Variants in PNPLA8 observed in about 807,000 individuals in gnomAD.
PNPLA8 encodes the protein calcium-independent phospholipase A2-gamma.
PNPLA8 carries 39 observed loss-of-function variants against 76.9 expected under a neutral mutation model. The ratio of observed to expected loss-of-function variants is 0.51; its 90% CI spans 0.39 to 0.66. PNPLA8 has a LOEUF of 0.66. Among genes scored for constraint, PNPLA8 ranks in the 30% least tolerant of loss-of-function variants. The probability of loss-of-function intolerance (pLI) is 0.00; values close to 1 mark genes in which losing one functional copy is unlikely to be tolerated. For missense variants in PNPLA8, 887 were observed against 918.0 expected, an observed-to-expected ratio of 0.97 and a Z score of 0.44; for synonymous variants, 301 against 307.9, an observed-to-expected ratio of 0.98 and a Z score of 0.24.
At chr7:108,528,100 C>A (rs1176582757), upstream of PNPLA8, 1 of 152,206 alleles carries the variant, frequency 6.6e-6, no homozygotes, top group African/African-American at 2.4e-5. Flanking sequence ...CGCAGAATTT[C>A]TTGAATCGTT....
At chr7:108,498,901 A>G in intron 5 of PNPLA8, among the ~76,000 whole-genome samples, 1 of 150,700 alleles carries the variant, frequency 6.6e-6, no homozygotes, top group East Asian at 1.9e-4. Flanking sequence ...ACACAAAGGT[A>G]GTTAGGCATC....
chr7:108,472,764 T>A, intron 10 of PNPLA8, 89 bp from the exon 11 acceptor site: 2 of 910,390 alleles, frequency 2.2e-6, no homozygotes, highest in Non-Finnish European at 3.2e-6. Flanking sequence ...TATTTAAAAT[T>A]AACTTCTTTT....
chr7:108,492,601 G>A (rs1861262023), intron 7 of PNPLA8, among the ~76,000 whole-genome samples: 1 of 151,548 alleles, frequency 6.6e-6, no homozygotes, highest in Non-Finnish European at 1.5e-5. Flanking sequence ...GTTTATTTCC[G>A]AGATGTCAAA....
chr7:108,481,758 C>A (rs1860413283), intron 9 of PNPLA8, among the ~76,000 whole-genome samples: 2 of 152,160 alleles, frequency 1.3e-5, no homozygotes, highest in Non-Finnish European at 2.9e-5. Context: ...CTTCCCCCAA[C>A]CCAGGTCACC....
intron 4 of PNPLA8, chr7:108,510,489 C>T: frequency 2.9e-6 from 4 of 1,402,536 alleles, no homozygotes; most frequent in Non-Finnish European, 3.0e-6. Flanking sequence ...CCTGCAGAAC[C>T]CAAACTGGCA....
chr7:108,503,351 T>A (rs1862103064), intron 4 of PNPLA8, among the ~76,000 whole-genome samples: 1 of 152,236 alleles, frequency 6.6e-6, no homozygotes, highest in Non-Finnish European at 1.5e-5. Flanking sequence ...GTGGCAGCTA[T>A]AATTCTGCTG....
rs555696732 is a variant in PNPLA8 at position 108,472,935 on chromosome 7, G to A, written c.2075-260C>T. 4.6e-5 allele frequency among the ~76,000 whole-genome samples: 7 copies of A among 152,210 alleles called. No individual in the cohort carries two copies. In the South Asian group the frequency reaches 1.2e-3, roughly 27 times the overall value. On this transcript the variant is annotated intron_variant, in intron 10 of 10. Coordinates refer to ENST00000257694, the MANE Select transcript of PNPLA8 (RefSeq NM_001256007.3). ...TTCTCTCTGTGCTTTTGGTCATACT[G>A]TTCACCACTGCTGAAATGCCCTTTC...
intron 4 of PNPLA8, chr7:108,510,582 A>G (rs1862842902): frequency 6.6e-7 from 1 of 1,509,876 alleles, no homozygotes; most frequent in South Asian, 1.1e-5. Flanking sequence ...CGTCAAATCT[A>G]CAATGGAACC....
upstream of PNPLA8, among the ~76,000 whole-genome samples, chr7:108,527,486 G>C (rs866224067): frequency 1.3e-5 from 2 of 152,140 alleles, no homozygotes; most frequent in Non-Finnish European, 2.9e-5. Context: ...CCTCCTTGTT[G>C]CTAAAGAAAA....
rs758808104 is a variant in PNPLA8 at position 108,521,467 on chromosome 7, T to A, written c.-84+9A>T. On this transcript the variant is annotated intron_variant, in intron 2 of 10. Coordinates refer to ENST00000257694, the MANE Select transcript of PNPLA8 (RefSeq NM_001256007.3). ...GAGACATTACAAAATAAAGGAATGA[T>A]CCACTTACTTATTAAACTTCAGGTA... 5.2e-5 allele frequency: 39 copies of A among 751,038 alleles called. No homozygotes were observed. Among genetic ancestry groups the A allele is most frequent in the Non-Finnish European group, 6.3e-5 (39 of 616,018 alleles). The allele number at this position is 751,038 out of a possible 1,614,324, so 46.5% of individuals were successfully genotyped here. A position where few individuals can be genotyped will look rare whatever the true frequency, so the allele number is the denominator to read the frequency against.
intron 4 of PNPLA8, among the ~76,000 whole-genome samples, chr7:108,509,586 A>C (rs1319372144): frequency 6.8e-6 from 1 of 146,952 alleles, no homozygotes; most frequent in Non-Finnish European, 1.5e-5. Flanking sequence ...GTGGGACTGT[A>C]AACTAGTTCA....
intron 7 of PNPLA8, among the ~76,000 whole-genome samples, chr7:108,491,928 A>G (rs1051028174): frequency 6.6e-6 from 1 of 152,234 alleles, no homozygotes; most frequent in Admixed American, 6.5e-5. Context: ...GGTGAGGACA[A>G]TGAGACTTTA....
At chr7:108,524,175 T>C (rs1863927877) in intron 1 of PNPLA8, among the ~76,000 whole-genome samples, 1 of 152,220 alleles carries the variant, frequency 6.6e-6, no homozygotes, top group South Asian at 2.1e-4. Context: ...TAGTTTACAG[T>C]AATAATACAT....
At chr7:108,510,533 A>G in intron 4 of PNPLA8, 6 of 1,378,022 alleles carry the variant, frequency 4.4e-6, no homozygotes, top group Non-Finnish European at 6.1e-6. Context: ...CAGTGGCGTG[A>G]GCCCAAAGGT....
intron 10 of PNPLA8, among the ~76,000 whole-genome samples, chr7:108,473,852 G>A (rs1859793748): frequency 6.6e-6 from 1 of 152,088 alleles, no homozygotes; most frequent in Non-Finnish European, 1.5e-5. Flanking sequence ...CTACAGGTGT[G>A]TGCCACCATG....
At chr7:108,503,555 T>TA (rs1483199445) in intron 4 of PNPLA8, among the ~76,000 whole-genome samples, 34 of 152,124 alleles carry the variant, frequency 2.2e-4, no homozygotes, top group African/African-American at 8.2e-4. Flanking sequence ...TAAGATGAAA[T>TA]ACTCTGTTAC....
intron 9 of PNPLA8, among the ~76,000 whole-genome samples, chr7:108,485,280 T>G (rs935963259): frequency 6.6e-6 from 1 of 152,116 alleles, no homozygotes; most frequent in Non-Finnish European, 1.5e-5. Context: ...TAGGGAGAGA[T>G]TGGGAGCTAC....
intron 1 of PNPLA8, among the ~76,000 whole-genome samples, chr7:108,524,673 G>T (rs1341143210): frequency 1.3e-5 from 2 of 152,118 alleles, no homozygotes; most frequent in African/African-American, 4.8e-5. Flanking sequence ...AAAAAAATTA[G>T]CCGGGTGTGG....
Position 108,477,020 on chromosome 7 carries a change from A to T in PNPLA8, c.2074+2164T>A, listed in dbSNP as rs575674932. ...GGAGAGATGTTGGTCAAAGGGTACA[A>T]ATTTTCAGTTATGACTACCTACTAG... On this transcript the variant is annotated intron_variant, in intron 10 of 10. Coordinates refer to ENST00000257694, the MANE Select transcript of PNPLA8 (RefSeq NM_001256007.3). Among the ~76,000 whole-genome samples the T allele has an allele frequency of 1.2e-3, 188 of 152,326 alleles. 1 individual carries two copies. The highest frequency in any genetic ancestry group is 4.4e-3 in the African/African-American group (181 of 41,570).
Sources: gnomAD v4.1 joint callset for allele counts (sites outside exome capture counted in the v4.1 genomes callset) on GRCh38, gnomAD v4.1.1 for gene constraint, MANE v1.5 for transcripts, NCBI Gene and HGNC (gene_info 2026-07-23, HGNC 2026-07-21) for gene names.